The following PAAF1 variants were observed in gnomAD, a reference collection of about 807,000 sequenced individuals.
The protein encoded by PAAF1 is proteasomal ATPase-associated factor 1.
Under a neutral mutation model 52.8 loss-of-function variants are expected in PAAF1, and 46 were observed. The ratio of observed to expected loss-of-function variants is 0.87; its 90% CI spans 0.69 to 1.11. The LOEUF (loss-of-function observed/expected upper bound fraction) is 1.11. Among genes scored for constraint, PAAF1 ranks in the 50% most tolerant of loss-of-function variants. The pLI is 0.00. For missense variants in PAAF1, 424 were observed against 477.4 expected (o/e 0.89, Z 1.04); for synonymous variants, 178 against 172.8 (o/e 1.03, Z -0.24).
chr11:73,916,727 T>A, intron 9 of PAAF1, 67 bp downstream of exon 9: 6 of 1,096,938 alleles, frequency 5.5e-6, no homozygotes, highest in Non-Finnish European at 8.3e-6. Context: ...GGCTTTAACA[T>A]TGATTTAGCC....
At chr11:73,912,940 G>A (rs1042381255) in intron 7 of PAAF1, among the ~76,000 whole-genome samples, 2 of 152,130 alleles carry the variant, frequency 1.3e-5, no homozygotes, top group South Asian at 2.1e-4. Context: ...GCAGTGGCAC[G>A]TTCTCGGCTC....
intron 6 of PAAF1, among the ~76,000 whole-genome samples, chr11:73,903,361 T>TG (rs1949674692): frequency 6.6e-6 from 1 of 152,208 alleles, no homozygotes; most frequent in African/African-American, 2.4e-5. Flanking sequence ...ACCTATAGAT[T>TG]GACCGATCAT....
At chr11:73,903,320 C>A (rs779735822) in intron 6 of PAAF1, among the ~76,000 whole-genome samples, 1 of 152,166 alleles carries the variant, frequency 6.6e-6, no homozygotes. Context: ...AGCTTAACAG[C>A]GTATATATAG....
chr11:73,923,456 T>C (rs1950279730), intron 10 of PAAF1, among the ~76,000 whole-genome samples: 1 of 152,146 alleles, frequency 6.6e-6, no homozygotes, highest in South Asian at 2.1e-4. Flanking sequence ...AATGGTAGAT[T>C]AGGGGTGATT....
intron 1 of PAAF1, chr11:73,877,388 C>A (rs1220136584): frequency 1.4e-5 from 3 of 221,590 alleles, no homozygotes; most frequent in Non-Finnish European, 8.9e-6. Flanking sequence ...GATTAGTCGT[C>A]AGTTACTTCC....
intron 7 of PAAF1, among the ~76,000 whole-genome samples, chr11:73,912,041 T>C (rs1445283072): frequency 6.6e-6 from 1 of 152,136 alleles, no homozygotes; most frequent in East Asian, 1.9e-4. Flanking sequence ...CTTTTTTTTT[T>C]CATGGCTTCT....
intron 4 of PAAF1, among the ~76,000 whole-genome samples, chr11:73,898,811 T>TCAAA (rs202208997): frequency 1.3e-4 from 19 of 151,974 alleles, no homozygotes; most frequent in South Asian, 4.1e-4. Flanking sequence ...TGAAACTCTG[T>TCAAA]CAAACAAACA....
At chr11:73,918,913 G>A (rs767132712) in intron 9 of PAAF1, 37 bp from the exon 10 acceptor site, 3 of 1,540,266 alleles carry the variant, frequency 1.9e-6, no homozygotes, top group African/African-American at 2.7e-5. Flanking sequence ...TGCTTTTGAA[G>A]AAAGAAAGTA....
chr11:73,907,254 A>T (rs755819556), intron 6 of PAAF1, among the ~76,000 whole-genome samples: 4 of 152,158 alleles, frequency 2.6e-5, no homozygotes, highest in Admixed American at 1.3e-4. Context: ...TCTTAATTCC[A>T]TCATCTTTTT....
chr11:73,899,341 A>C, intron 5 of PAAF1, 97 bp downstream of exon 5: 1 of 772,456 alleles, frequency 1.3e-6, no homozygotes, highest in Non-Finnish European at 2.2e-6. Flanking sequence ...CATTCTAAAA[A>C]TGTGGGACCA....
intron 4 of PAAF1, among the ~76,000 whole-genome samples, chr11:73,893,738 C>CAAAAAAAA (rs564348245): frequency 1.4e-5 from 1 of 71,968 alleles, no homozygotes; most frequent in Non-Finnish European, 2.6e-5. Flanking sequence ...ACTCTGTCTC[C>CAAAAAAAA]AAAAAAAAAA....
chr11:73,892,769 C>A (rs1949233271), intron 4 of PAAF1, among the ~76,000 whole-genome samples: 3 of 152,168 alleles, frequency 2.0e-5, no homozygotes. Flanking sequence ...ACACCATTCT[C>A]TGCCTCAGCC....
At chr11:73,890,685 G>T (rs1029040190) in intron 3 of PAAF1, among the ~76,000 whole-genome samples, 1 of 152,162 alleles carries the variant, frequency 6.6e-6, no homozygotes, top group African/African-American at 2.4e-5. Context: ...TGTCTTTTAA[G>T]ACCTAGGTTT....
chr11:73,886,991 T>A (rs1949079248), intron 2 of PAAF1: 5 of 447,216 alleles, frequency 1.1e-5, no homozygotes, highest in African/African-American at 6.0e-5. Flanking sequence ...CACCATGTGA[T>A]CTCTGCATAC....
chr11:73,908,373 G>GCA (rs879452017), intron 6 of PAAF1, among the ~76,000 whole-genome samples: 1 of 135,006 alleles, frequency 7.4e-6, no homozygotes, highest in Non-Finnish European at 1.6e-5. Context: ...ATATATATAT[G>GCA]TATATATATG....
chr11:73,899,012 A>G (rs773848672), intron 4 of PAAF1, 134 bp from the exon 5 acceptor site: 119 of 639,224 alleles, frequency 1.9e-4, no homozygotes, highest in Non-Finnish European at 2.9e-4. Flanking sequence ...TACATCAAAC[A>G]CAAGTCCTTT....
rs1430733438 is a variant in PAAF1 at position 73,924,620 on chromosome 11, G to A, written c.1024G>A (p.Gly342Arg). 2 of 1,613,502 alleles carry A rather than the reference G, an allele frequency of 1.2e-6. No individual in the cohort carries two copies. The highest frequency in any genetic ancestry group is 2.2e-5 in the East Asian group (1 of 44,872). The change falls in exon 11 of 12, where the codon GGA becomes AGA. Residue 342 changes from glycine to arginine, a missense_variant. Gly to Arg is a moderately radical substitution (Grantham distance 125). Transcript: ENST00000310571. ...ATTTTCTTTCTGCCTTTCAGGTGATGGAAGCTGTTTTATTGTCCAGCAAGA... is the reference window on the plus strand; with the variant it reads ...ATTTTCTTTCTGCCTTTCAGGTGATAGAAGCTGTTTTATTGTCCAGCAAGA... ...RDGFIASQGD[G>R]SCFIVQQDLD...
chr11:73,892,049 A>T (rs1383381616), intron 4 of PAAF1, among the ~76,000 whole-genome samples: 2 of 151,928 alleles, frequency 1.3e-5, no homozygotes, highest in Non-Finnish European at 2.9e-5. Context: ...TTGGCCAGGC[A>T]CAGTGGCTCA....
chr11:73,901,967 G>A (rs12366026), intron 6 of PAAF1, among the ~76,000 whole-genome samples: 1 of 148,994 alleles, frequency 6.7e-6, no homozygotes. Context: ...AGGCTCATGC[G>A]ATCCTTGTGC....
Sources: allele counts gnomAD v4.1 joint callset (sites outside exome capture counted in the v4.1 genomes callset), GRCh38; gene constraint gnomAD v4.1.1; transcripts MANE v1.5; gene names NCBI Gene and HGNC (gene_info 2026-07-23, HGNC 2026-07-21).